PLPBP: variants seen among roughly 807,000 people sequenced by gnomAD.
PLPBP encodes the protein pyridoxal phosphate homeostasis protein.
Under a neutral mutation model 31.2 loss-of-function variants are expected in PLPBP, and 21 were observed. The ratio of observed to expected loss-of-function variants is 0.67; its 90% CI spans 0.48 to 0.97. The LOEUF (loss-of-function observed/expected upper bound fraction) is 0.97, where lower values mean the gene tolerates loss of function less well. PLPBP is among the 50% of genes least tolerant of loss of function. The pLI, the probability that PLPBP is intolerant of heterozygous loss-of-function variation, is 0.00. For synonymous variants in PLPBP, 124 were observed against 135.6 expected (o/e 0.91, Z 0.59); for missense variants, 308 against 354.4 (o/e 0.87, Z 1.05).
chr8:37,763,652 T>G (rs890063518), intron 1 of PLPBP, among the ~76,000 whole-genome samples: 3 of 152,192 alleles, frequency 2.0e-5, no homozygotes, highest in African/African-American at 7.2e-5. Context: ...AACATCACCT[T>G]GGAGGTTCTC....
chr8:37,764,207 A>G (rs903524644), intron 1 of PLPBP, among the ~76,000 whole-genome samples: 3 of 151,960 alleles, frequency 2.0e-5, no homozygotes, highest in Admixed American at 2.0e-4. Flanking sequence ...GGTTCACGCA[A>G]TTCTCCTGCC....
chr8:37,775,331 T>C lies in PLPBP; in HGVS notation c.455-8T>C. On this transcript the variant is annotated splice_region_variant and splice_polypyrimidine_tract_variant and intron_variant, in intron 5 of 7. Transcript: ENST00000328195. ...CAGTATACCTGTTTTCTGTTTCTTTTCTTGAAGGTAAACATGGCCTTCCAC... is the reference window on the plus strand; with the variant it reads ...CAGTATACCTGTTTTCTGTTTCTTTCCTTGAAGGTAAACATGGCCTTCCAC... The C allele has an allele frequency of 6.2e-7, 1 of 1,614,168 alleles. No homozygotes were observed. Among genetic ancestry groups the C allele is most frequent in the Non-Finnish European group, 8.5e-7 (1 of 1,179,988 alleles).
intron 4 of PLPBP, 121 bp from the exon 5 acceptor site, chr8:37,772,634 A>T: frequency 1.6e-6 from 2 of 1,223,960 alleles, no homozygotes. Flanking sequence ...AGGAACTGAG[A>T]TTTAACTGTG....
upstream of PLPBP, chr8:37,762,617 A>T: frequency 6.5e-7 from 1 of 1,541,742 alleles, no homozygotes; most frequent in Non-Finnish European, 8.7e-7. Context: ...GGTGTGAGCC[A>T]CGGGCTGCCG....
chr8:37,762,790 C>T (rs755907084), intron 1 of PLPBP, 32 bp downstream of exon 1: 8 of 1,534,460 alleles, frequency 5.2e-6, no homozygotes, highest in Non-Finnish European at 7.0e-6. Context: ...GGACGGTGGG[C>T]GGCCGCCTTG....
intron 1 of PLPBP, 84 bp downstream of exon 1, chr8:37,762,842 G>T: frequency 6.8e-7 from 1 of 1,476,568 alleles, no homozygotes; most frequent in African/African-American, 1.4e-5. Flanking sequence ...TCACGGTGAC[G>T]CAGAGGGGTC....
intron 5 of PLPBP, among the ~76,000 whole-genome samples, chr8:37,774,735 A>G (rs1442427783): frequency 1.3e-5 from 2 of 152,242 alleles, no homozygotes; most frequent in Non-Finnish European, 2.9e-5. Flanking sequence ...ATAATTAGCT[A>G]TAATATGCCC....
chr8:37,775,616 C>A, intron 6 of PLPBP, 135 bp downstream of exon 6: 1 of 1,341,702 alleles, frequency 7.5e-7, no homozygotes, highest in Non-Finnish European at 1.0e-6. Context: ...CTCTTTTGAA[C>A]TCTTCTCAGA....
rs761935500 is a variant in PLPBP at position 37,762,750 on chromosome 8, C to T, written c.91C>T (p.Arg31Trp). Residue 31 changes from arginine to tryptophan, a missense_variant, in exon 1 of 8, where the codon CGG (arginine) becomes TGG (tryptophan). By Grantham distance (101) the Arg-to-Trp change is moderately radical. Coordinates refer to ENST00000328195, the MANE Select transcript of PLPBP (RefSeq NM_007198.4). Reference protein sequence around the residue: ...NERVQQAVARRPRDLPAIQPR... With the variant: ...NERVQQAVARWPRDLPAIQPR... ...GCGCGTGCAGCAGGCTGTGGCGCGG[C>T]GGCCGCGGGTGAGGAAGGAGGCTGC... The T allele has an allele frequency of 1.3e-6, 2 of 1,564,834 alleles. No homozygotes were observed. The highest frequency in any genetic ancestry group is 2.3e-5 in the East Asian group (1 of 43,220).
chr8:37,768,431 A>T (rs1465139642), intron 4 of PLPBP, among the ~76,000 whole-genome samples: 2 of 150,452 alleles, frequency 1.3e-5, no homozygotes, highest in Non-Finnish European at 3.0e-5. Context: ...GACTCAAAAA[A>T]TGTGAAATGG....
At position 37,765,548 on chromosome 8, in the gene PLPBP, G is replaced by A. The variant is rs1407022503; in HGVS notation, c.122G>A (p.Arg41Gln). ...CAGGATCTCCCAGCCATCCAGCCCCGGCTAGTGGCGGTCAGCAAAACCAAA... is the reference window on the plus strand; with the variant it reads ...CAGGATCTCCCAGCCATCCAGCCCCAGCTAGTGGCGGTCAGCAAAACCAAA... The part of the protein sequence containing the change: ...RPRDLPAIQP[R>Q]LVAVSKTKPA... The change falls in exon 2 of 8, where the codon CGG becomes CAG. Residue 41 changes from arginine to glutamine, a missense_variant. Transcript: ENST00000328195. The A allele has an allele frequency of 1.2e-5, 20 of 1,613,760 alleles. No homozygotes were observed. The East Asian group carries it at 2.9e-4, about 23-fold the overall frequency.
intron 4 of PLPBP, 76 bp downstream of exon 4, chr8:37,766,431 G>C: frequency 6.8e-7 from 1 of 1,468,346 alleles, no homozygotes; most frequent in Non-Finnish European, 9.2e-7. Context: ...GGAAGAGAGA[G>C]CAACTTTTAG....
At chr8:37,771,355 A>T (rs1025873707) in intron 4 of PLPBP, among the ~76,000 whole-genome samples, 1 of 151,652 alleles carries the variant, frequency 6.6e-6, no homozygotes, top group Non-Finnish European at 1.5e-5. Context: ...GGCCAAATGG[A>T]TCTCAAACTC....
chr8:37,768,166 G>A (rs937065791), intron 4 of PLPBP, among the ~76,000 whole-genome samples: 6 of 151,814 alleles, frequency 4.0e-5, no homozygotes, highest in Non-Finnish European at 8.8e-5. Context: ...TTGAAGGCTG[G>A]GTCTCTATTA....
At position 37,762,674 on chromosome 8, in the gene PLPBP, C is replaced by A. The variant is rs1490520878; in HGVS notation, c.15C>A (p.Gly5=). Residue 5 remains glycine, a synonymous_variant, in exon 1 of 8, where the codon GGC becomes GGA. Coordinates refer to ENST00000328195, the MANE Select transcript of PLPBP (RefSeq NM_007198.4). The part of the protein sequence containing the change: MWRA[G]SMSAELGVGC... ...GTCCCCGGGGGATGTGGAGAGCTGGCAGCATGTCGGCCGAGCTGGGAGTCG... is the reference window on the plus strand; with the variant it reads ...GTCCCCGGGGGATGTGGAGAGCTGGAAGCATGTCGGCCGAGCTGGGAGTCG... The A allele has an allele frequency of 2.5e-6, 4 of 1,585,684 alleles. No homozygotes were observed. The highest frequency in any genetic ancestry group is 3.4e-6 in the Non-Finnish European group (4 of 1,169,724).
At chr8:37,770,421 T>G (rs1274156882) in intron 4 of PLPBP, among the ~76,000 whole-genome samples, 2 of 152,154 alleles carry the variant, frequency 1.3e-5, no homozygotes, top group South Asian at 4.1e-4. Flanking sequence ...AAACTAGATA[T>G]CCATATGCAG....
intron 7 of PLPBP, among the ~76,000 whole-genome samples, chr8:37,776,271 T>A (rs976653362): frequency 2.7e-5 from 4 of 149,226 alleles, no homozygotes; most frequent in Non-Finnish European, 5.9e-5. Context: ...AGGTCAGGAG[T>A]TCGAGACCAG....
intron 4 of PLPBP, 132 bp from the exon 5 acceptor site, chr8:37,772,623 G>C (rs188071750): frequency 9.2e-7 from 1 of 1,086,958 alleles, no homozygotes; most frequent in East Asian, 2.5e-5. Flanking sequence ...TGTCTTCTCA[G>C]AGGAACTGAG....
chr8:37,775,465 C>A lies in PLPBP; in HGVS notation c.581C>A (p.Pro194Gln). ...GSFGHDLSQG[P>Q]NPDFQLLLSL... is the part of the protein sequence containing the mutation. ...TTTGGGCATGATCTTAGTCAAGGAC[C>A]AAATCCAGACTTCCAGGTACTGGGG... The change falls in exon 6 of 8, where the codon CCA (proline) becomes CAA (glutamine). Residue 194 changes from proline (P) to glutamine (Q), a missense_variant. By Grantham distance (76) the Pro-to-Gln change is moderately conservative. Coordinates refer to ENST00000328195, the MANE Select transcript of PLPBP (RefSeq NM_007198.4). 2 of 1,614,050 alleles carry A rather than the reference C, an allele frequency of 1.2e-6. No homozygotes were observed. The highest frequency in any genetic ancestry group is 2.2e-5 in the South Asian group (2 of 91,080).
Sources: allele counts gnomAD v4.1 joint callset (sites outside exome capture counted in the v4.1 genomes callset), GRCh38; gene constraint gnomAD v4.1.1; transcripts MANE v1.5; gene names NCBI Gene and HGNC (gene_info 2026-07-23, HGNC 2026-07-21).